Variants in C4BPA observed in about 807,000 individuals in gnomAD.
C4BPA encodes complement component 4 binding protein alpha.
In C4BPA, 31 loss-of-function variants were observed where a neutral mutation model predicts 63.7. That is an observed-to-expected ratio of 0.49 (90% confidence interval 0.37 to 0.66). The LOEUF (loss-of-function observed/expected upper bound fraction) is 0.66, where lower values mean the gene tolerates loss of function less well. Among genes scored for constraint, C4BPA ranks in the 30% least tolerant of loss-of-function variants. C4BPA has a pLI of 0.00. For synonymous variants in C4BPA, 259 were observed against 254.7 expected (o/e 1.02, Z -0.16); for missense variants, 572 against 723.3 (o/e 0.79, Z 2.40).
Position 207,104,950 on chromosome 1 carries a change from A to T in C4BPA, c.-26+520A>T, listed in dbSNP as rs373079500. On this transcript the variant is annotated intron_variant, in intron 1 of 11. Transcript: ENST00000367070. ...ATAAGGAGGACACTGGCCAGCCTCC[A>T]GTTGGTTTCTGAAGCTAGCAGTCTT... 5.9e-4 allele frequency among the ~76,000 whole-genome samples: 90 copies of T among 152,352 alleles called. 2 individuals carry two copies. The South Asian group carries it at 0.018, about 31-fold the overall frequency.
At position 207,113,154 on chromosome 1, in the gene C4BPA, G is replaced by A; in HGVS notation, c.129G>A (p.Leu43=). The change falls in exon 2 of 12, where the codon TTG becomes TTA. Residue 43 remains leucine, a synonymous_variant. Transcript: ENST00000367070. ...AAATGACCTTGATCGCTGCTCTGTT[G>A]CCTGCTGTTCTTGGTGAGTAGTGGG... ...LFQMTLIAAL[L]PAVLGNCGPP... The A allele has an allele frequency of 6.2e-7, 1 of 1,610,324 alleles. No homozygotes were observed. Among genetic ancestry groups the A allele is most frequent in the Non-Finnish European group, 8.5e-7 (1 of 1,178,664 alleles).
intron 1 of C4BPA, among the ~76,000 whole-genome samples, chr1:207,112,316 C>G (rs1558086637): frequency 6.7e-6 from 1 of 148,814 alleles, no homozygotes; most frequent in Non-Finnish European, 1.5e-5. Flanking sequence ...CGACTCAACT[C>G]TTTCTCTCTA....
chr1:207,116,526 G>A (rs1022208821), intron 4 of C4BPA, among the ~76,000 whole-genome samples: 4 of 143,074 alleles, frequency 2.8e-5, no homozygotes, highest in African/African-American at 1.1e-4. Context: ...ATGTGTGTGT[G>A]TGTGTGTGTG....
chr1:207,140,019 C>T (rs973712281), intron 9 of C4BPA, among the ~76,000 whole-genome samples: 1 of 152,124 alleles, frequency 6.6e-6, no homozygotes, highest in Non-Finnish European at 1.5e-5. Context: ...CCTAAGAATG[C>T]TATGGTTTAA....
intron 8 of C4BPA, 123 bp from the exon 9 acceptor site, chr1:207,134,281 C>A: frequency 2.7e-6 from 2 of 728,582 alleles, no homozygotes; most frequent in Non-Finnish European, 2.3e-6. Flanking sequence ...TTGGGTCTCC[C>A]TTTCTGTTTC....
chr1:207,137,189 G>C (rs558178544), intron 9 of C4BPA, among the ~76,000 whole-genome samples: 50 of 152,292 alleles, frequency 3.3e-4, no homozygotes, highest in Admixed American at 7.8e-4. Context: ...AGATCCAGCC[G>C]AAGAGCCCAC....
Position 207,115,397 on chromosome 1 carries a change from A to G in C4BPA, c.329-19A>G, listed in dbSNP as rs1174068009. On this transcript the variant is annotated intron_variant, in intron 3 of 11. Transcript: ENST00000367070. ...TGAGTACTTGGAAGTACTAATCATC[A>G]TTTAAATTTTTCTCCCAGACAAACG... 7.1e-7 allele frequency: 1 copy of G among 1,410,616 alleles called. No homozygotes were observed. The highest frequency in any genetic ancestry group is 1.4e-5 in the African/African-American group (1 of 69,478). The allele number at this position is 1,410,616 out of a possible 1,614,324, so 87.4% of individuals were successfully genotyped here.
chr1:207,141,314 G>A (rs371271017), intron 10 of C4BPA, 38 bp downstream of exon 10: 141 of 1,567,618 alleles, frequency 9.0e-5, no homozygotes, highest in Non-Finnish European at 1.0e-4. Flanking sequence ...GATTAAGTGG[G>A]TGGACGTGTC....
intron 8 of C4BPA, 121 bp downstream of exon 8, chr1:207,131,861 G>T: frequency 1.4e-6 from 1 of 694,542 alleles, no homozygotes; most frequent in South Asian, 2.1e-5. Context: ...TAATTCAACA[G>T]ATTAGTAAAC....
At position 207,144,832 on chromosome 1, in the gene C4BPA, A is replaced by T. The variant is rs897051377; in HGVS notation, c.*115A>T. ...GGCAGTGATATTCATCATAATAAAT[A>T]TCTAGAAATGATAATTTGCTAAAGT... On this transcript the variant is annotated 3_prime_UTR_variant, in exon 12 of 12. Coordinates refer to ENST00000367070, the MANE Select transcript of C4BPA (RefSeq NM_000715.4). The T allele has an allele frequency of 3.7e-6, 2 of 539,004 alleles. No homozygotes were observed. The highest frequency in any genetic ancestry group is 6.1e-6 in the Non-Finnish European group (2 of 330,464). The allele number at this position is 539,004 out of a possible 1,614,324, so 33.4% of individuals were successfully genotyped here.
At chr1:207,134,366 G>T in intron 8 of C4BPA, 38 bp from the exon 9 acceptor site, 1 of 1,499,406 alleles carries the variant, frequency 6.7e-7, no homozygotes, top group South Asian at 1.2e-5. Flanking sequence ...TCCTCATGGT[G>T]ATTTTACTAA....
At chr1:207,140,231 C>T (rs984701580) in intron 9 of C4BPA, among the ~76,000 whole-genome samples, 1 of 152,162 alleles carries the variant, frequency 6.6e-6, no homozygotes, top group Non-Finnish European at 1.5e-5. Flanking sequence ...TTCCTTATAG[C>T]TTTGGTAAAT....
intron 4 of C4BPA, among the ~76,000 whole-genome samples, chr1:207,122,734 C>G (rs781724209): frequency 1.1e-4 from 17 of 152,032 alleles, no homozygotes; most frequent in Non-Finnish European, 1.9e-4. Flanking sequence ...GCACCATGCC[C>G]AGCTGATTTT....
rs373486687 is a variant in C4BPA, at chr1:207,125,840, C to T, written c.707-873C>T. On this transcript the variant is annotated intron_variant, in intron 6 of 11. Coordinates refer to ENST00000367070, the MANE Select transcript of C4BPA (RefSeq NM_000715.4). Reference sequence around the variant, plus strand: ...AGCCAAAAACTGAAGGTGGCTTCAGCGGTAGCATGGCAGTGGGGCTGGACA... The same window carrying T: ...AGCCAAAAACTGAAGGTGGCTTCAGTGGTAGCATGGCAGTGGGGCTGGACA... Among the ~76,000 whole-genome samples, 34 of 152,228 alleles carry T rather than the reference C, an allele frequency of 2.2e-4. No homozygotes were observed. The South Asian group carries it at 5.4e-3, about 24-fold the overall frequency.
At position 207,115,528 on chromosome 1, in the gene C4BPA, T is replaced by A; in HGVS notation, c.428+13T>A. The A allele has an allele frequency of 7.4e-7, 1 of 1,345,222 alleles. No homozygotes were observed. The highest frequency in any genetic ancestry group is 1.0e-6 in the Non-Finnish European group (1 of 972,302). 83.3% of individuals were successfully genotyped at this position (1,345,222 alleles called of 1,614,324 possible). A position where few individuals can be genotyped will look rare whatever the true frequency, so the allele number is the denominator to read the frequency against. On this transcript the variant is annotated intron_variant, in intron 4 of 11. Coordinates refer to ENST00000367070, the MANE Select transcript of C4BPA (RefSeq NM_000715.4). ...GCTGTTCAGAAGGGTGAGTGTGAGGTAATCTATGAACAATTCTTTTATATT... is the reference window on the plus strand; with the variant it reads ...GCTGTTCAGAAGGGTGAGTGTGAGGAAATCTATGAACAATTCTTTTATATT...
chr1:207,113,042 C>T lies in C4BPA; in HGVS notation c.17C>T (p.Thr6Ile), dbSNP rs764262329. ...CAGCAGGCCATGCACCCCCCAAAAACTCCATCTGGGGCTCTTCATAGAAAA... is the reference window on the plus strand; with the variant it reads ...CAGCAGGCCATGCACCCCCCAAAAATTCCATCTGGGGCTCTTCATAGAAAA... MHPPK[T>I]PSGALHRKRK... The change falls in exon 2 of 12, where the codon ACT (threonine) becomes ATT (isoleucine). Residue 6 changes from threonine (T) to isoleucine (I), a missense_variant. By Grantham distance (89) the Thr-to-Ile change is moderately conservative. Coordinates refer to ENST00000367070, the MANE Select transcript of C4BPA (RefSeq NM_000715.4). 3 of 1,599,504 alleles carry T rather than the reference C, an allele frequency of 1.9e-6. No individual in the cohort carries two copies. The East Asian group carries it at 6.8e-5, about 36-fold the overall frequency.
chr1:207,123,978 G>C lies in C4BPA; in HGVS notation c.485G>C (p.Gly162Ala). The change falls in exon 5 of 12, where the codon GGC becomes GCC. Residue 162 changes from glycine to alanine, a missense_variant. By Grantham distance (60) the Gly-to-Ala change is moderately conservative. Coordinates refer to ENST00000367070, the MANE Select transcript of C4BPA (RefSeq NM_000715.4). ...SRCEVQDRGV[G>A]WSHPLPQCEI... ...TGTGAAGTCCAAGATAGAGGAGTTG[G>C]CTGGAGTCATCCTCTCCCACAATGT... 2 of 1,611,422 alleles carry C rather than the reference G, an allele frequency of 1.2e-6. No homozygotes were observed. The highest frequency in any genetic ancestry group is 1.7e-6 in the Non-Finnish European group (2 of 1,178,300).
At chr1:207,118,224 T>TATC (rs1558089495) in intron 4 of C4BPA, among the ~76,000 whole-genome samples, 5 of 151,126 alleles carry the variant, frequency 3.3e-5, no homozygotes, top group Non-Finnish European at 7.4e-5. Context: ...TCTATCTATC[T>TATC]ATCTATCTAT....
intron 9 of C4BPA, among the ~76,000 whole-genome samples, chr1:207,136,121 G>A (rs1685274652): frequency 6.6e-6 from 1 of 152,208 alleles, no homozygotes; most frequent in South Asian, 2.1e-4. Flanking sequence ...TGCCTCAAGT[G>A]ATGGTATCAT....
Sources: gnomAD v4.1 joint callset for allele counts (sites outside exome capture counted in the v4.1 genomes callset) on GRCh38, gnomAD v4.1.1 for gene constraint, MANE v1.5 for transcripts, NCBI Gene and HGNC (gene_info 2026-07-23, HGNC 2026-07-21) for gene names.